The following GFRA1 variants were observed in gnomAD, a reference collection of about 807,000 sequenced individuals.
GFRA1 encodes the protein GDNF family receptor alpha-1.
A neutral mutation model predicts 51.6 loss-of-function variants in GFRA1; 16 were observed. The observed-to-expected ratio is 0.31, with a 90% CI of 0.21 to 0.47. The LOEUF (loss-of-function observed/expected upper bound fraction) is 0.47, where lower values mean the gene tolerates loss of function less well. GFRA1 is among the 20% of genes least tolerant of loss of function. The pLI, the probability that GFRA1 is intolerant of heterozygous loss-of-function variation, is 1.00. For synonymous variants in GFRA1, 270 were observed against 241.3 expected (o/e 1.12, Z -1.10); for missense variants, 530 against 594.3 (o/e 0.89, Z 1.13).
intron 5 of GFRA1, among the ~76,000 whole-genome samples, chr10:116,179,322 A>G (rs1229979764): frequency 6.6e-6 from 1 of 152,222 alleles, no homozygotes; most frequent in Admixed American, 6.5e-5. Flanking sequence ...ATATATTCAC[A>G]AAAGAAAATT....
intron 4 of GFRA1, among the ~76,000 whole-genome samples, chr10:116,253,438 T>C (rs1296014957): frequency 1.3e-5 from 2 of 152,056 alleles, no homozygotes; most frequent in African/African-American, 2.4e-5. Context: ...TGAAATCCCA[T>C]CTCTACTAAA....
chr10:116,143,147 T>C (rs1201863571), intron 5 of GFRA1, among the ~76,000 whole-genome samples: 3 of 152,314 alleles, frequency 2.0e-5, no homozygotes, highest in East Asian at 3.9e-4. Context: ...GCTTTGTCCC[T>C]ACTTAAAACC....
intron 4 of GFRA1, among the ~76,000 whole-genome samples, chr10:116,230,342 C>G (rs1039746389): frequency 6.6e-6 from 1 of 152,142 alleles, no homozygotes; most frequent in Non-Finnish European, 1.5e-5. Flanking sequence ...AGGAAACTGA[C>G]GCTGACAACT....
intron 5 of GFRA1, among the ~76,000 whole-genome samples, chr10:116,196,226 A>G (rs1376139383): frequency 6.6e-6 from 1 of 150,400 alleles, no homozygotes; most frequent in Non-Finnish European, 1.5e-5. Context: ...ATGGTGGCTT[A>G]CACCTGCAAT....
intron 5 of GFRA1, among the ~76,000 whole-genome samples, chr10:116,130,136 C>A (rs1337529371): frequency 4.7e-5 from 7 of 149,254 alleles, no homozygotes; most frequent in African/African-American, 1.7e-4. Context: ...AAGACCTCTA[C>A]ACTGAAAAAT....
At chr10:116,266,865 C>G (rs547060471) in intron 4 of GFRA1, among the ~76,000 whole-genome samples, 1 of 152,348 alleles carries the variant, frequency 6.6e-6, no homozygotes, top group African/African-American at 2.4e-5. Context: ...TGGAAGAATT[C>G]TAGAGATGAG....
chr10:116,147,251 G>A (rs920087237), intron 5 of GFRA1, among the ~76,000 whole-genome samples: 3 of 152,156 alleles, frequency 2.0e-5, no homozygotes, highest in Non-Finnish European at 2.9e-5. Context: ...ATCTCCTGGG[G>A]AACAGCTAAT....
At chr10:116,117,589 A>ATGGATGGG (rs1274904895) in intron 6 of GFRA1, among the ~76,000 whole-genome samples, 1,464 of 113,782 alleles carry the variant, frequency 0.013, 28 homozygotes, top group African/African-American at 0.042. Flanking sequence ...GGATGGATGG[A>ATGGATGGG]TGGATGGATG....
In GFRA1 at chr10:116,057,989, A is replaced by C. The variant is rs1043474984; in HGVS notation, c.*6409T>G. ...TGCTGGATCATATAGCCCTCCAATCATTGTGTGTGTGTGTGTGTGTGTGTG... is the reference window on the plus strand; with the variant it reads ...TGCTGGATCATATAGCCCTCCAATCCTTGTGTGTGTGTGTGTGTGTGTGTG... On this transcript the variant is annotated 3_prime_UTR_variant, in exon 11 of 11. Transcript: ENST00000355422. 4 of 94,126 alleles carry C rather than the reference A, an allele frequency of 4.2e-5. No individual in the cohort carries two copies. The East Asian group carries it at 1.6e-3, about 37-fold the overall frequency. 5.8% of individuals were successfully genotyped at this position (94,126 alleles called of 1,614,324 possible). A position where few individuals can be genotyped will look rare whatever the true frequency, so the allele number is the denominator to read the frequency against.
chr10:116,097,990 TTATCCAAGA>T (rs1311322860), intron 6 of GFRA1, among the ~76,000 whole-genome samples: 2 of 152,212 alleles, frequency 1.3e-5, no homozygotes, highest in Non-Finnish European at 2.9e-5. Context: ...CCTGATGGAA[TTATCCAAGA>T]CCGCAGTTCG....
At chr10:116,104,240 A>G (rs1405458243) in intron 6 of GFRA1, among the ~76,000 whole-genome samples, 1 of 152,222 alleles carries the variant, frequency 6.6e-6, no homozygotes, top group African/African-American at 2.4e-5. Context: ...AGCAGCCTTC[A>G]AGCCTTTCCT....
chr10:116,257,624 T>C (rs978955454), intron 4 of GFRA1, among the ~76,000 whole-genome samples: 7 of 152,342 alleles, frequency 4.6e-5, no homozygotes, highest in South Asian at 2.1e-4. Flanking sequence ...TGTCCTTCTC[T>C]GGTCGAGAAG....
At chr10:116,218,399 C>T (rs74158410) in intron 4 of GFRA1, among the ~76,000 whole-genome samples, 1,731 of 152,250 alleles carry the variant, frequency 0.011, 13 homozygotes, top group African/African-American at 0.024. Context: ...TTCTCTATAG[C>T]GGGGTTCTAT....
At chr10:116,255,499 A>C in intron 4 of GFRA1, 1 of 921,798 alleles carries the variant, frequency 1.1e-6, no homozygotes, top group South Asian at 2.1e-5. Context: ...CATCAGGAAA[A>C]AAAAAAACAA....
intron 9 of GFRA1, among the ~76,000 whole-genome samples, chr10:116,089,028 A>G (rs1403217918): frequency 6.6e-6 from 1 of 151,378 alleles, no homozygotes; most frequent in Non-Finnish European, 1.5e-5. Flanking sequence ...ATGAAAAATC[A>G]ATAAAAAAGC....
chr10:116,252,051 A>G (rs1968422326), intron 4 of GFRA1, among the ~76,000 whole-genome samples: 2 of 143,802 alleles, frequency 1.4e-5, no homozygotes. Flanking sequence ...TCCAAACAAC[A>G]TTTGACTTTG....
At chr10:116,090,432 TAAAA>T (rs35493394) in intron 8 of GFRA1, among the ~76,000 whole-genome samples, 1 of 121,162 alleles carries the variant, frequency 8.3e-6, no homozygotes, top group African/African-American at 3.1e-5. Context: ...CCAGTTTCTT[TAAAA>T]AAAAAAAAAA....
intron 9 of GFRA1, among the ~76,000 whole-genome samples, chr10:116,070,996 T>C (rs974256507): frequency 1.3e-5 from 2 of 152,212 alleles, no homozygotes; most frequent in Non-Finnish European, 2.9e-5. Flanking sequence ...GTAAAACAAG[T>C]GGACACATAA....
chr10:116,154,129 T>C (rs1959159662), intron 5 of GFRA1, among the ~76,000 whole-genome samples: 1 of 152,088 alleles, frequency 6.6e-6, no homozygotes, highest in Non-Finnish European at 1.5e-5. Context: ...TACAATCTGC[T>C]GGTGGGAGTG....
Sources: gnomAD v4.1 joint callset for allele counts (sites outside exome capture counted in the v4.1 genomes callset) on GRCh38, gnomAD v4.1.1 for gene constraint, MANE v1.5 for transcripts, NCBI Gene and HGNC (gene_info 2026-07-23, HGNC 2026-07-21) for gene names.